Variants in FHIT observed in about 807,000 individuals in gnomAD.
FHIT encodes bis(5'-adenosyl)-triphosphatase.
A neutral mutation model predicts 17.9 loss-of-function variants in FHIT; 19 were observed. The ratio of observed to expected loss-of-function variants is 1.06; its 90% CI spans 0.74 to 1.56. The LOEUF (loss-of-function observed/expected upper bound fraction) is 1.56, where lower values mean the gene tolerates loss of function less well. Ranked by LOEUF, FHIT falls within the 40% of genes most tolerant of loss-of-function variation. The pLI, the probability that FHIT is intolerant of heterozygous loss-of-function variation, is 0.00. For missense variants in FHIT, 248 were observed against 189.2 expected, an observed-to-expected ratio of 1.31 and a Z score of -1.82; for synonymous variants, 81 against 69.7, an observed-to-expected ratio of 1.16 and a Z score of -0.81.
intron 5 of FHIT, among the ~76,000 whole-genome samples, chr3:60,026,058 G>C (rs1233943659): frequency 2.0e-5 from 3 of 152,132 alleles, no homozygotes; most frequent in Admixed American, 6.5e-5. Flanking sequence ...GCTTACACCT[G>C]TCTCCTAATA....
intron 3 of FHIT, among the ~76,000 whole-genome samples, chr3:61,028,506 G>A (rs993630370): frequency 2.0e-5 from 3 of 152,142 alleles, no homozygotes; most frequent in Non-Finnish European, 4.4e-5. Flanking sequence ...CCAGGGAGAA[G>A]GAGAAACCTA....
intron 5 of FHIT, among the ~76,000 whole-genome samples, chr3:60,441,141 C>T (rs1236034832): frequency 6.6e-6 from 1 of 151,682 alleles, no homozygotes; most frequent in Non-Finnish European, 1.5e-5. Flanking sequence ...ATACAGGAGA[C>T]AGAAAAGAAT....
intron 5 of FHIT, among the ~76,000 whole-genome samples, chr3:60,380,677 G>A (rs1300898082): frequency 6.6e-6 from 1 of 152,140 alleles, no homozygotes; most frequent in African/African-American, 2.4e-5. Flanking sequence ...CACTGCATGA[G>A]TATTTTCCAT....
intron 5 of FHIT, among the ~76,000 whole-genome samples, chr3:60,306,672 T>G (rs1708687695): frequency 6.6e-6 from 1 of 152,166 alleles, no homozygotes; most frequent in African/African-American, 2.4e-5. Flanking sequence ...AAAATGGGTC[T>G]CTTTGCACTG....
chr3:60,650,407 G>A (rs1479530961), intron 4 of FHIT, among the ~76,000 whole-genome samples: 1 of 152,178 alleles, frequency 6.6e-6, no homozygotes, highest in Non-Finnish European at 1.5e-5. Context: ...CATCAAGTGA[G>A]CTAGCCAGGA....
intron 2 of FHIT, among the ~76,000 whole-genome samples, chr3:61,163,101 C>A (rs1307827554): frequency 1.3e-5 from 2 of 152,182 alleles, no homozygotes; most frequent in East Asian, 3.9e-4. Flanking sequence ...CTCTCACACT[C>A]TCTGCACATG....
intron 2 of FHIT, among the ~76,000 whole-genome samples, chr3:61,162,619 T>G (rs2037729478): frequency 6.6e-6 from 1 of 152,232 alleles, no homozygotes; most frequent in South Asian, 2.1e-4. Context: ...TGCTTCAGTA[T>G]AAAACTTTGC....
At chr3:60,005,487 G>A (rs1699890492) in intron 7 of FHIT, among the ~76,000 whole-genome samples, 1 of 152,008 alleles carries the variant, frequency 6.6e-6, no homozygotes, top group Non-Finnish European at 1.5e-5. Flanking sequence ...ATATTTACAT[G>A]CCAGAGGAAA....
chr3:60,733,518 G>C (rs2042075133), intron 4 of FHIT, among the ~76,000 whole-genome samples: 1 of 152,108 alleles, frequency 6.6e-6, no homozygotes, highest in Non-Finnish European at 1.5e-5. Context: ...TTGGTCAGTA[G>C]CTTTCAGTCT....
At chr3:60,829,025 A>G (rs1702222769) in intron 3 of FHIT, among the ~76,000 whole-genome samples, 3 of 152,230 alleles carry the variant, frequency 2.0e-5, no homozygotes, top group Admixed American at 6.5e-5. Context: ...AAACACAACA[A>G]TATTCAAAGG....
chr3:60,000,467 A>C (rs925937072), intron 7 of FHIT, among the ~76,000 whole-genome samples: 3 of 152,170 alleles, frequency 2.0e-5, no homozygotes, highest in Non-Finnish European at 4.4e-5. Flanking sequence ...TCACAGCCTA[A>C]AATGTTTACT....
intron 5 of FHIT, among the ~76,000 whole-genome samples, chr3:60,058,030 T>C (rs1702149958): frequency 6.6e-6 from 1 of 151,464 alleles, no homozygotes. Context: ...ATAGGCAAGC[T>C]TACAGAGACA....
intron 7 of FHIT, among the ~76,000 whole-genome samples, chr3:59,948,504 G>A (rs539130749): frequency 3.7e-4 from 56 of 151,402 alleles, no homozygotes; most frequent in Non-Finnish European, 7.4e-4. Context: ...GCAACAGAGC[G>A]AGATTCTGTC....
intron 5 of FHIT, among the ~76,000 whole-genome samples, chr3:60,046,275 T>C (rs1394225282): frequency 6.6e-6 from 1 of 152,190 alleles, no homozygotes; most frequent in African/African-American, 2.4e-5. Flanking sequence ...GAACCAAATG[T>C]TGAATTTAGG....
chr3:59,852,083 T>C (rs895895146), intron 8 of FHIT, among the ~76,000 whole-genome samples: 2 of 152,164 alleles, frequency 1.3e-5, no homozygotes, highest in Non-Finnish European at 2.9e-5. Flanking sequence ...GAAAATCACA[T>C]ATAATCATTC....
At chr3:60,680,185 T>C (rs1476292257) in intron 4 of FHIT, among the ~76,000 whole-genome samples, 3 of 152,220 alleles carry the variant, frequency 2.0e-5, no homozygotes, top group Non-Finnish European at 4.4e-5. Context: ...TCTTCATTGC[T>C]TTACAACCTC....
intron 1 of FHIT, among the ~76,000 whole-genome samples, chr3:61,246,865 T>TA (rs1190774255): frequency 1.3e-5 from 2 of 152,038 alleles, no homozygotes; most frequent in Non-Finnish European, 2.9e-5. Context: ...AGTAAAATTT[T>TA]AAAAAAATTT....
chr3:61,181,048 C>T (rs1461733677), intron 2 of FHIT, among the ~76,000 whole-genome samples: 3 of 152,180 alleles, frequency 2.0e-5, no homozygotes, highest in Non-Finnish European at 4.4e-5. Flanking sequence ...TTCCCTCACT[C>T]ATACCAAATA....
chr3:60,504,409 C>T (rs904787731), intron 5 of FHIT, among the ~76,000 whole-genome samples: 5 of 148,726 alleles, frequency 3.4e-5, no homozygotes, highest in South Asian at 2.2e-4. Flanking sequence ...TCCAGCCTGG[C>T]GACAGAACGA....
Sources: gnomAD v4.1 joint callset for allele counts (sites outside exome capture counted in the v4.1 genomes callset) on GRCh38, gnomAD v4.1.1 for gene constraint, MANE v1.5 for transcripts, NCBI Gene and HGNC (gene_info 2026-07-23, HGNC 2026-07-21) for gene names.